Variants in NEBL observed in about 807,000 individuals in gnomAD.
NEBL encodes the protein nebulette, also known as LIM and SH3 protein 2.
NEBL carries 122 observed loss-of-function variants against 140.2 expected under a neutral mutation model. The ratio of observed to expected loss-of-function variants is 0.87; its 90% CI spans 0.75 to 1.01. The LOEUF is 1.01. NEBL is among the 50% of genes least tolerant of loss of function. The probability of loss-of-function intolerance (pLI) is 0.00; values close to 1 mark genes in which losing one functional copy is unlikely to be tolerated. For synonymous variants in NEBL, 436 were observed against 398.9 expected, an observed-to-expected ratio of 1.09 and a Z score of -1.11; for missense variants, 1,365 against 1,231.3, an observed-to-expected ratio of 1.11 and a Z score of -1.62.
intron 4 of NEBL, among the ~76,000 whole-genome samples, chr10:20,948,117 C>T (rs529936392): frequency 1.3e-5 from 2 of 152,318 alleles, no homozygotes; most frequent in Middle Eastern, 3.4e-3. Context: ...AGTGTTGTTC[C>T]TATTTTTAAA....
intron 3 of NEBL, among the ~76,000 whole-genome samples, chr10:20,977,372 C>T (rs559315173): frequency 4.3e-4 from 66 of 152,304 alleles, no homozygotes; most frequent in African/African-American, 1.5e-3. Context: ...AATTGCTTTG[C>T]TTCATCTGCA....
intron 4 of NEBL, among the ~76,000 whole-genome samples, chr10:20,945,146 C>A (rs1343022459): frequency 6.6e-6 from 1 of 152,194 alleles, no homozygotes; most frequent in Non-Finnish European, 1.5e-5. Flanking sequence ...AGTTTCCCTA[C>A]ATGCGAAGTT....
chr10:20,873,118 T>C (rs534468585), intron 5 of NEBL, among the ~76,000 whole-genome samples: 38 of 152,298 alleles, frequency 2.5e-4, no homozygotes, highest in African/African-American at 8.4e-4. Flanking sequence ...TCTCAATAAG[T>C]ATTTGCTCCA....
intron 1 of NEBL, among the ~76,000 whole-genome samples, chr10:21,272,908 T>C (rs1223627895): frequency 2.0e-5 from 3 of 152,178 alleles, no homozygotes; most frequent in African/African-American, 4.8e-5. Flanking sequence ...AGATAAATTG[T>C]CCCTTGAAGC....
At chr10:20,815,825 G>A in intron 21 of NEBL, 108 bp from the exon 22 acceptor site, 1 of 809,664 alleles carries the variant, frequency 1.2e-6, no homozygotes, top group Non-Finnish European at 2.1e-6. Context: ...CTGAAGTGCA[G>A]TGGTACAATC....
At chr10:21,232,371 C>CG (rs886360158) in intron 3 of NEBL, among the ~76,000 whole-genome samples, 5 of 151,652 alleles carry the variant, frequency 3.3e-5, no homozygotes, top group Non-Finnish European at 7.4e-5. Context: ...AAGGGTCGGT[C>CG]GGGGGGTGGT....
intron 2 of NEBL, among the ~76,000 whole-genome samples, chr10:21,027,324 TTG>T (rs1833548078): frequency 8.7e-6 from 1 of 115,514 alleles, no homozygotes; most frequent in Non-Finnish European, 2.1e-5. Context: ...ACAACTTTTT[TTG>T]TTTTTTTTTT....
chr10:21,253,662 G>A (rs892849525), intron 1 of NEBL, among the ~76,000 whole-genome samples: 1 of 150,264 alleles, frequency 6.7e-6, no homozygotes, highest in Admixed American at 6.7e-5. Flanking sequence ...TCCTGCCTCA[G>A]CCTCCCGAGT....
At chr10:20,843,697 T>C (rs1043280980) in intron 12 of NEBL, among the ~76,000 whole-genome samples, 2 of 152,144 alleles carry the variant, frequency 1.3e-5, no homozygotes, top group Non-Finnish European at 2.9e-5. Flanking sequence ...CCTTTTATTT[T>C]TAGTTGACAC....
At chr10:20,969,020 G>T (rs1836450857) in intron 3 of NEBL, among the ~76,000 whole-genome samples, 1 of 152,134 alleles carries the variant, frequency 6.6e-6, no homozygotes, top group Non-Finnish European at 1.5e-5. Flanking sequence ...TGCTAAGCAG[G>T]TGCTAAGCAT....
At chr10:20,854,356 C>G (rs190082643) in intron 9 of NEBL, among the ~76,000 whole-genome samples, 1 of 152,140 alleles carries the variant, frequency 6.6e-6, no homozygotes, top group African/African-American at 2.4e-5. Context: ...AAGCTCAGTG[C>G]TAGGAATGGA....
At chr10:20,888,485 T>C (rs1375685719) in intron 3 of NEBL, among the ~76,000 whole-genome samples, 6 of 152,252 alleles carry the variant, frequency 3.9e-5, no homozygotes, top group Non-Finnish European at 7.3e-5. Flanking sequence ...AATCTATTTG[T>C]GTATATTGAC....
intron 17 of NEBL, among the ~76,000 whole-genome samples, chr10:20,827,104 C>T (rs1365366557): frequency 6.6e-6 from 1 of 152,182 alleles, no homozygotes; most frequent in Admixed American, 6.5e-5. Context: ...CCCTTCCAAA[C>T]CCAAAGCAGA....
intron 4 of NEBL, among the ~76,000 whole-genome samples, chr10:20,915,145 C>A (rs1274444482): frequency 4.0e-5 from 6 of 151,690 alleles, no homozygotes; most frequent in African/African-American, 1.5e-4. Context: ...ATAGTACAGA[C>A]CAAGGATGCA....
intron 4 of NEBL, among the ~76,000 whole-genome samples, chr10:20,941,742 T>G (rs528492115): frequency 6.6e-6 from 1 of 152,200 alleles, no homozygotes; most frequent in Non-Finnish European, 1.5e-5. Flanking sequence ...CAGCAAAGTC[T>G]CAGGATACAA....
intron 2 of NEBL, among the ~76,000 whole-genome samples, chr10:21,061,266 CAT>C (rs1491439945): frequency 4.2e-5 from 6 of 141,578 alleles, no homozygotes; most frequent in African/African-American, 1.6e-4. Flanking sequence ...TGATATGTAA[CAT>C]ATTACATATT....
At chr10:21,267,448 A>G (rs1347713824) in intron 1 of NEBL, among the ~76,000 whole-genome samples, 3 of 152,064 alleles carry the variant, frequency 2.0e-5, no homozygotes, top group African/African-American at 7.2e-5. Flanking sequence ...GATAGTTGGG[A>G]AAAAAAACTT....
intron 13 of NEBL, among the ~76,000 whole-genome samples, chr10:20,838,368 G>A (rs181958911): frequency 6.6e-6 from 1 of 152,190 alleles, no homozygotes; most frequent in Non-Finnish European, 1.5e-5. Context: ...AATAGCAAGA[G>A]AACTAGAATT....
intron 3 of NEBL, among the ~76,000 whole-genome samples, chr10:21,213,671 G>A (rs1841949390): frequency 6.6e-6 from 1 of 152,186 alleles, no homozygotes; most frequent in African/African-American, 2.4e-5. Flanking sequence ...GGGCGACCTG[G>A]GCTTGAGGAG....
Sources: gnomAD v4.1 joint callset for allele counts (sites outside exome capture counted in the v4.1 genomes callset) on GRCh38, gnomAD v4.1.1 for gene constraint, MANE v1.5 for transcripts, NCBI Gene and HGNC (gene_info 2026-07-23, HGNC 2026-07-21) for gene names.